GOLGA3: variants seen among roughly 807,000 people sequenced by gnomAD.
GOLGA3 encodes golgin subfamily A member 3.
A neutral mutation model predicts 169.4 loss-of-function variants in GOLGA3; 75 were observed. That is an observed-to-expected ratio of 0.44 (90% CI 0.37 to 0.54). The LOEUF (loss-of-function observed/expected upper bound fraction) is 0.54. Ranked by LOEUF, GOLGA3 falls within the 20% of genes least tolerant of loss-of-function variation. GOLGA3 has a pLI of 0.00. For missense variants in GOLGA3, 1,899 were observed against 1,930.0 expected (o/e 0.98, Z 0.30); for synonymous variants, 824 against 822.4 (o/e 1.00, Z -0.03).
In GOLGA3 at chr12:132,786,664, G is replaced by A. The variant is rs775502506; in HGVS notation, c.2906+29C>T. On this transcript the variant is annotated intron_variant, in intron 14 of 23. Transcript: ENST00000450791. The stretch of plus-strand genomic sequence containing the variant: ...CCCCCGCACCTCCCACCTGGCCCCC[G>A]CACCTCCCCCGGGCACATGCAGACT... The A allele has an allele frequency of 1.1e-4, 65 of 604,404 alleles. 1 individual carries two copies. The Admixed American group carries it at 1.5e-3, about 14-fold the overall frequency. The allele number at this position is 604,404 out of a possible 1,614,324, so 37.4% of individuals were successfully genotyped here. A position where few individuals can be genotyped will look rare whatever the true frequency, so the allele number is the denominator to read the frequency against.
rs1209158128 is a variant in GOLGA3, at chr12:132,768,964, CACTT to C, written c.*4137_*4140del. The C allele has an allele frequency of 2.0e-5, 3 of 152,660 alleles. No individual in the cohort carries two copies. The highest frequency in any genetic ancestry group is 2.9e-5 in the Non-Finnish European group (2 of 68,046). The allele number at this position is 152,660 out of a possible 1,614,324, so 9.5% of individuals were successfully genotyped here. A position where few individuals can be genotyped will look rare whatever the true frequency, so the allele number is the denominator to read the frequency against. On this transcript the variant is annotated 3_prime_UTR_variant, in exon 24 of 24. Coordinates refer to ENST00000450791, the MANE Select transcript of GOLGA3 (RefSeq NM_001389683.1). ...ACAAAATTTAAGGAATTCCCAAGCA[CACTT>C]ACATTTGTAAAAAATCAACGTGCTT...
intron 9 of GOLGA3, 84 bp from the exon 10 acceptor site, chr12:132,796,784 C>G (rs1187516178): frequency 5.9e-6 from 8 of 1,357,100 alleles, no homozygotes; most frequent in Non-Finnish European, 8.2e-6. Context: ...TGCAGAGAAA[C>G]CCACCGCCCT....
In GOLGA3 at chr12:132,775,206, TG is replaced by T; in HGVS notation, c.4077del (p.Asn1359LysfsTer2). ...LQAKVSELKN[N>X]MKTLLQQNQQ... ...TGGTTCTGCTGGAGCAGGGTCTTCA[TG>T]TTGTTCTTCAGCTCCGACACTTTTG... On this transcript the variant is annotated frameshift_variant, in exon 22 of 24. Coordinates refer to ENST00000450791, the MANE Select transcript of GOLGA3 (RefSeq NM_001389683.1). LOFTEE classifies it high-confidence loss of function. 6.2e-7 allele frequency: 1 copy of T among 1,614,186 alleles called. No homozygotes were observed. Among genetic ancestry groups the T allele is most frequent in the Non-Finnish European group, 8.5e-7 (1 of 1,179,980 alleles).
chr12:132,814,023 CTTT>C (rs34633724), intron 3 of GOLGA3, among the ~76,000 whole-genome samples: 11 of 102,952 alleles, frequency 1.1e-4, no homozygotes, highest in South Asian at 3.1e-4. Context: ...CGCGCCCGGC[CTTT>C]TTTTTTTTTT....
Position 132,777,087 on chromosome 12 carries a change from A to G in GOLGA3, c.3726T>C (p.Ile1242=), listed in dbSNP as rs1387248639. 14 of 1,583,490 alleles carry G rather than the reference A, an allele frequency of 8.8e-6. No individual in the cohort carries two copies. The highest frequency in any genetic ancestry group is 1.1e-5 in the Non-Finnish European group (13 of 1,167,204). Residue 1242 remains isoleucine (I), a synonymous_variant, in exon 20 of 24, where the codon ATT becomes ATC. Transcript: ENST00000450791. This position sits in a 1 kb window ranked among gnomAD's most constrained non-coding sequence, Gnocchi z 4.7. Reference sequence around the variant, plus strand: ...TCTCCTGGGAATGTTTCCCCTCCCGAATCCTAGCGTAAAAAAACAAGAAAG... The same window carrying G: ...TCTCCTGGGAATGTTTCCCCTCCCGGATCCTAGCGTAAAAAAACAAGAAAG... ...KLQAEADDLQ[I]REGKHSQEIA...
intron 2 of GOLGA3, among the ~76,000 whole-genome samples, chr12:132,820,111 G>A (rs941244611): frequency 6.6e-6 from 1 of 152,080 alleles, no homozygotes; most frequent in African/African-American, 2.4e-5. Flanking sequence ...GGGAGGCGGA[G>A]GTTGCCATGA....
At chr12:132,794,303 T>C (rs1948710087) in intron 11 of GOLGA3, among the ~76,000 whole-genome samples, 1 of 143,548 alleles carries the variant, frequency 7.0e-6, no homozygotes, top group Admixed American at 7.2e-5. Context: ...GAGACCAGCC[T>C]GGGCAACATG....
intron 9 of GOLGA3, among the ~76,000 whole-genome samples, chr12:132,797,664 A>AGGC (rs1385156880): frequency 8.5e-5 from 13 of 152,178 alleles, no homozygotes; most frequent in African/African-American, 3.1e-4. Context: ...GTGAGCCAAG[A>AGGC]TCGCACCACT....
intron 1 of GOLGA3, among the ~76,000 whole-genome samples, chr12:132,822,707 G>A (rs1950266022): frequency 6.6e-6 from 1 of 152,126 alleles, no homozygotes; most frequent in African/African-American, 2.4e-5. Flanking sequence ...GATCACCTGA[G>A]GTCAGGAGTT....
intron 12 of GOLGA3, 138 bp downstream of exon 12, chr12:132,791,078 A>ATTT: frequency 8.1e-6 from 3 of 370,528 alleles, no homozygotes; most frequent in South Asian, 1.1e-4. Flanking sequence ...AAAAAAAAAA[A>ATTT]AAAAAAAAAT....
chr12:132,780,728 G>C (rs1156522766), intron 18 of GOLGA3, 70 bp downstream of exon 18: 5 of 936,190 alleles, frequency 5.3e-6, no homozygotes, highest in Non-Finnish European at 8.6e-6. Context: ...GTGTGTGAAG[G>C]ACCCTGCATA....
rs777630989 is a variant in GOLGA3 at position 132,807,956 on chromosome 12, C to G, written c.1113G>C (p.Glu371Asp). The G allele has an allele frequency of 6.2e-7, 1 of 1,601,266 alleles. No homozygotes were observed. The highest frequency in any genetic ancestry group is 1.1e-5 in the South Asian group (1 of 90,820). Residue 371 changes from glutamate to aspartate, a missense_variant, in exon 5 of 24, where the codon GAG (glutamate) becomes GAC (aspartate). Transcript: ENST00000450791. Reference protein sequence around the residue: ...IKDVLQAAAAEHQDQGQEVNG... With the variant: ...IKDVLQAAAADHQDQGQEVNG... The stretch of plus-strand genomic sequence containing the variant: ...TGACCTCCTGCCCCTGGTCTTGGTG[C>G]TCAGCGGCTGCGGCCTGGAGGACGT...
rs950542271 is a variant in GOLGA3 at position 132,772,879 on chromosome 12, G to A, written c.*226C>T. ...ACACGTTCAAAGCTCCTCGCCGAGA[G>A]CCTATCAGGCTTTTAAGAGTTGGTC... On this transcript the variant is annotated 3_prime_UTR_variant, in exon 24 of 24. Transcript: ENST00000450791. 2.1e-6 allele frequency: 1 copy of A among 474,198 alleles called. No homozygotes were observed. Among genetic ancestry groups the A allele is most frequent in the Non-Finnish European group, 3.8e-6 (1 of 265,356 alleles). 29.4% of individuals were successfully genotyped at this position (474,198 alleles called of 1,614,324 possible). A position where few individuals can be genotyped will look rare whatever the true frequency, so the allele number is the denominator to read the frequency against.
At chr12:132,796,886 C>T (rs990572386) in intron 9 of GOLGA3, among the ~76,000 whole-genome samples, 186 bp from the exon 10 acceptor site, 4 of 152,192 alleles carry the variant, frequency 2.6e-5, no homozygotes, top group South Asian at 2.1e-4. Flanking sequence ...ACCAGGAGAC[C>T]GAGGCCAGGC....
chr12:132,778,668 G>A (rs569134521), intron 18 of GOLGA3, among the ~76,000 whole-genome samples: 11 of 151,774 alleles, frequency 7.2e-5, no homozygotes, highest in South Asian at 4.2e-4. Context: ...AGGCCAAGGC[G>A]GGCAGGTCAT....
chr12:132,782,563 G>C (rs1047627419), intron 16 of GOLGA3, 70 bp from the exon 17 acceptor site: 1 of 1,265,904 alleles, frequency 7.9e-7, no homozygotes, highest in African/African-American at 1.5e-5. Context: ...CCAGAAACAG[G>C]TGAGTTTTCA....
intron 13 of GOLGA3, among the ~76,000 whole-genome samples, chr12:132,787,059 T>C (rs899035383): frequency 4.6e-5 from 7 of 152,022 alleles, no homozygotes; most frequent in African/African-American, 1.5e-4. Context: ...GTTCAAGTGA[T>C]TCTCCTGCCT....
chr12:132,810,577 G>A (rs188789610), intron 4 of GOLGA3, among the ~76,000 whole-genome samples: 53 of 149,256 alleles, frequency 3.6e-4, no homozygotes, highest in African/African-American at 1.1e-3. Flanking sequence ...ACAGAGATAG[G>A]AGCTGAGGGG....
chr12:132,776,673 C>T lies in GOLGA3; in HGVS notation c.3939G>A (p.Gln1313=). 6.2e-7 allele frequency: 1 copy of T among 1,614,066 alleles called. No homozygotes were observed. The highest frequency in any genetic ancestry group is 8.5e-7 in the Non-Finnish European group (1 of 1,180,016). ...LKQQLDLTEQ[Q]GRKELEGLQQ... Reference sequence around the variant, plus strand: ...GTAGCCCTTCCAGTTCCTTCCTGCCCTGCTGCTCCGTCAAGTCCAGCTGCT... The same window carrying T: ...GTAGCCCTTCCAGTTCCTTCCTGCCTTGCTGCTCCGTCAAGTCCAGCTGCT... The change falls in exon 21 of 24, where the codon CAG becomes CAA. Residue 1313 remains glutamine (Q), a synonymous_variant. Transcript: ENST00000450791.
Sources: gnomAD v4.1 joint callset for allele counts (sites outside exome capture counted in the v4.1 genomes callset) on GRCh38, gnomAD v4.1.1 for gene constraint, Gnocchi (gnomAD v3.1) non-coding constraint, MANE v1.5 for transcripts, NCBI Gene and HGNC (gene_info 2026-07-23, HGNC 2026-07-21) for gene names.